Variants in NAA11 observed in about 807,000 individuals in gnomAD.
NAA11 encodes the protein N-alpha-acetyltransferase 11.
NAA11 carries 15 observed loss-of-function variants against 16.1 expected under a neutral mutation model. The observed-to-expected ratio is 0.93, with a 90% CI of 0.62 to 1.44. NAA11 has a LOEUF of 1.44. Ranked by LOEUF, NAA11 falls within the 40% of genes most tolerant of loss-of-function variation. The pLI is 0.00. For missense variants in NAA11, 298 were observed against 291.3 expected, an observed-to-expected ratio of 1.02 and a Z score of -0.17; for synonymous variants, 122 against 112.4, an observed-to-expected ratio of 1.09 and a Z score of -0.54.
At chr4:79,168,961 A>G in the NAA11 span, among the ~76,000 whole-genome samples, 1 of 152,196 alleles carries the variant, frequency 6.6e-6, no homozygotes, top group Admixed American at 6.5e-5. Flanking sequence ...TACACCAATA[A>G]TAGACAAGCA....
At position 79,325,613 on chromosome 4, in the gene NAA11, T is replaced by G. The variant is rs1435665889; in HGVS notation, c.265A>C (p.Lys89Gln). ...RSHRRLGLAQ[K>Q]LMDQASRAMI... ...GCCCTGGAGGCCTGGTCCATCAGCT[T>G]CTGGGCCAGGCCGAGGCGCCGGTGT... Residue 89 changes from lysine (K) to glutamine (Q), a missense_variant, in exon 1 of 2, where the codon AAG (lysine) becomes CAG (glutamine). Transcript: ENST00000286794. The G allele has an allele frequency of 6.2e-7, 1 of 1,614,084 alleles. No homozygotes were observed. Among genetic ancestry groups the G allele is most frequent in the Non-Finnish European group, 8.5e-7 (1 of 1,179,960 alleles).
chr4:79,273,159 C>T (rs1400993905), intron 2 of NAA11, among the ~76,000 whole-genome samples: 1 of 151,862 alleles, frequency 6.6e-6, no homozygotes, highest in Non-Finnish European at 1.5e-5. Flanking sequence ...CAAAGGACTC[C>T]ATAGATTCCA....
At chr4:79,320,961 G>T (rs1170927568) in intron 1 of NAA11, among the ~76,000 whole-genome samples, 1 of 152,138 alleles carries the variant, frequency 6.6e-6, no homozygotes, top group African/African-American at 2.4e-5. Flanking sequence ...CTATGTGCTG[G>T]TGAATCCCTA....
the NAA11 span, among the ~76,000 whole-genome samples, chr4:79,177,423 A>G: frequency 6.6e-6 from 1 of 151,822 alleles, no homozygotes; most frequent in South Asian, 2.1e-4. Flanking sequence ...AAAACCATAA[A>G]CATGGAAAGA....
the NAA11 span, among the ~76,000 whole-genome samples, chr4:79,165,454 C>T: frequency 6.6e-6 from 1 of 152,214 alleles, no homozygotes; most frequent in African/African-American, 2.4e-5. Context: ...CAAGTCTCTT[C>T]AGACAGGAGT....
Position 79,325,178 on chromosome 4 carries a change from T to C in NAA11, c.*10A>G. On this transcript the variant is annotated splice_region_variant and 3_prime_UTR_variant, in exon 1 of 2. Coordinates refer to ENST00000286794, the MANE Select transcript of NAA11 (RefSeq NM_032693.3). Reference sequence around the variant, plus strand: ...CTGGGTCAGGGAAGACAGAATACCTTAAGCATGCTCTAGGAGGTGGAATCC... The same window carrying C: ...CTGGGTCAGGGAAGACAGAATACCTCAAGCATGCTCTAGGAGGTGGAATCC... 2 of 1,594,486 alleles carry C rather than the reference T, an allele frequency of 1.3e-6. No homozygotes were observed. The highest frequency in any genetic ancestry group is 2.2e-5 in the East Asian group (1 of 44,466).
chr4:79,301,043 A>G (rs758044197), intron 1 of NAA11, among the ~76,000 whole-genome samples: 3 of 152,158 alleles, frequency 2.0e-5, no homozygotes, highest in Non-Finnish European at 4.4e-5. Flanking sequence ...TTTATTAGCT[A>G]TGTCACCTTA....
chr4:79,174,023 C>G, the NAA11 span, among the ~76,000 whole-genome samples: 1 of 152,076 alleles, frequency 6.6e-6, no homozygotes, highest in Non-Finnish European at 1.5e-5. Flanking sequence ...GGGAGGGAGA[C>G]TCCCCATTCA....
chr4:79,325,902 T>A lies in NAA11; in HGVS notation c.-25A>T. ...TAATGGCAGAGGGTAGGGAACCGGTTGGACTGCAGTGAACCCAGAAGAGGC... is the reference window on the plus strand; with the variant it reads ...TAATGGCAGAGGGTAGGGAACCGGTAGGACTGCAGTGAACCCAGAAGAGGC... On this transcript the variant is annotated 5_prime_UTR_variant, in exon 1 of 2. Coordinates refer to ENST00000286794, the MANE Select transcript of NAA11 (RefSeq NM_032693.3). 1 of 1,580,656 alleles carries A rather than the reference T, an allele frequency of 6.3e-7. No individual in the cohort carries two copies. Among genetic ancestry groups the A allele is most frequent in the Non-Finnish European group, 8.6e-7 (1 of 1,162,066 alleles).
At chr4:79,246,085 G>A (rs1351840769) in intron 2 of NAA11, among the ~76,000 whole-genome samples, 4 of 152,064 alleles carry the variant, frequency 2.6e-5, no homozygotes, top group South Asian at 2.1e-4. Flanking sequence ...CCCCAACCCC[G>A]TGCTCTCTGC....
In NAA11 at chr4:79,325,247, C is replaced by A; in HGVS notation, c.631G>T (p.Glu211Ter). The A allele has an allele frequency of 6.2e-7, 1 of 1,613,664 alleles. No homozygotes were observed. Among genetic ancestry groups the A allele is most frequent in the Non-Finnish European group, 8.5e-7 (1 of 1,179,734 alleles). The change falls in exon 1 of 2, where the codon GAG (glutamate) becomes TAG (stop). Residue 211 changes from glutamate (E) to a stop codon, truncating the protein, a stop_gained. Transcript: ENST00000286794. LOFTEE classifies it high-confidence loss of function. ...ESGSDSKEPKESVESTNVQDS... is the reference protein window; with the variant it reads ...ESGSDSKEPK ...TGGACGTTGGTGCTCTCCACAGACT[C>A]CTTAGGTTCTTTGCTGTCACTGCCA...
chr4:79,243,912 C>T (rs1268963097), intron 2 of NAA11, among the ~76,000 whole-genome samples: 2 of 152,198 alleles, frequency 1.3e-5, no homozygotes, highest in African/African-American at 2.4e-5. Context: ...TGATTCTTCC[C>T]TTAGGGTGGG....
chr4:79,208,919 A>G, the NAA11 span, among the ~76,000 whole-genome samples: 1 of 112,726 alleles, frequency 8.9e-6, no homozygotes, highest in Non-Finnish European at 1.9e-5. Flanking sequence ...AAAATTATAT[A>G]ACTGCCAAAA....
At chr4:79,176,865 T>A in the NAA11 span, among the ~76,000 whole-genome samples, 2 of 152,176 alleles carry the variant, frequency 1.3e-5, no homozygotes, top group Non-Finnish European at 2.9e-5. Flanking sequence ...ATTACTTTTT[T>A]AAATTGTAGC....
the NAA11 span, among the ~76,000 whole-genome samples, chr4:79,212,446 G>A: frequency 4.7e-4 from 72 of 152,054 alleles, no homozygotes; most frequent in African/African-American, 1.6e-3. Flanking sequence ...AGCACTCAAG[G>A]CTTCCTTTCT....
the NAA11 span, among the ~76,000 whole-genome samples, chr4:79,187,437 C>CA: frequency 6.6e-6 from 1 of 152,084 alleles, no homozygotes; most frequent in African/African-American, 2.4e-5. Context: ...AATAAAAAAT[C>CA]AAAAAATTTT....
chr4:79,308,756 T>G (rs962561964), intron 1 of NAA11: 2 of 152,216 alleles, frequency 1.3e-5, no homozygotes, highest in African/African-American at 4.8e-5. Flanking sequence ...TATTTACTTT[T>G]ATTGAGATAG....
At chr4:79,171,586 G>A in the NAA11 span, among the ~76,000 whole-genome samples, 6 of 152,158 alleles carry the variant, frequency 3.9e-5, no homozygotes, top group African/African-American at 7.2e-5. Context: ...GACTCTGAAG[G>A]GGGAGGTACA....
the NAA11 span, among the ~76,000 whole-genome samples, chr4:79,188,071 G>A: frequency 6.7e-6 from 1 of 149,114 alleles, no homozygotes; most frequent in East Asian, 2.0e-4. Context: ...CAGAATTCCA[G>A]TTTTAAATGT....
Sources: allele counts gnomAD v4.1 joint callset (sites outside exome capture counted in the v4.1 genomes callset), GRCh38; gene constraint gnomAD v4.1.1; transcripts MANE v1.5; gene names NCBI Gene and HGNC (gene_info 2026-07-23, HGNC 2026-07-21).